ADGRG6: variants seen among roughly 807,000 people sequenced by gnomAD.
ADGRG6 encodes the protein G-protein coupled receptor 126.
A neutral mutation model predicts 142.4 loss-of-function variants in ADGRG6; 84 were observed. The ratio of observed to expected loss-of-function variants is 0.59; its 90% confidence interval spans 0.49 to 0.71. The LOEUF is 0.71. Among genes scored for constraint, ADGRG6 ranks in the 30% least tolerant of loss-of-function variants. The pLI is 0.00. For missense variants in ADGRG6, 1,367 were observed against 1,466.6 expected (o/e 0.93, Z 1.11); for synonymous variants, 521 against 520.5 (o/e 1.00, Z -0.01).
At chr6:142,335,154 G>T (rs1779251765) in intron 2 of ADGRG6, among the ~76,000 whole-genome samples, 1 of 152,184 alleles carries the variant, frequency 6.6e-6, no homozygotes, top group South Asian at 2.1e-4. Flanking sequence ...GGATAGTATT[G>T]AGAACCAAGA....
At chr6:142,330,513 C>T (rs1379990939) in intron 2 of ADGRG6, among the ~76,000 whole-genome samples, 2 of 152,170 alleles carry the variant, frequency 1.3e-5, no homozygotes, top group Non-Finnish European at 1.5e-5. Flanking sequence ...CTTCCCCTAA[C>T]CCTCAATGTA....
At chr6:142,427,177 A>G (rs1224423899) in intron 22 of ADGRG6, among the ~76,000 whole-genome samples, 1 of 152,174 alleles carries the variant, frequency 6.6e-6, no homozygotes, top group Non-Finnish European at 1.5e-5. Flanking sequence ...TCAGGCTGCA[A>G]ATTTTCCAAA....
chr6:142,303,373 A>G (rs188587579), intron 1 of ADGRG6, among the ~76,000 whole-genome samples: 1 of 152,014 alleles, frequency 6.6e-6, no homozygotes, highest in Non-Finnish European at 1.5e-5. Context: ...TCCATTCCCT[A>G]CTTCCCCACT....
intron 2 of ADGRG6, among the ~76,000 whole-genome samples, chr6:142,331,661 G>C (rs1779069626): frequency 6.6e-6 from 1 of 152,108 alleles, no homozygotes; most frequent in Non-Finnish European, 1.5e-5. Flanking sequence ...CAAAAATATT[G>C]ATTACTGTTG....
intron 1 of ADGRG6, among the ~76,000 whole-genome samples, chr6:142,304,183 T>TG (rs1334702865): frequency 6.6e-6 from 1 of 152,172 alleles, no homozygotes; most frequent in Non-Finnish European, 1.5e-5. Flanking sequence ...AATGTTAAAA[T>TG]GGGTAACATA....
intron 18 of ADGRG6, among the ~76,000 whole-genome samples, chr6:142,411,882 C>G (rs893712850): frequency 2.6e-4 from 40 of 152,216 alleles, no homozygotes; most frequent in African/African-American, 9.4e-4. Flanking sequence ...TGGTACTGCA[C>G]CGAGTGATCT....
chr6:142,432,436 A>G (rs1275259138), intron 22 of ADGRG6, among the ~76,000 whole-genome samples: 18 of 152,154 alleles, frequency 1.2e-4, no homozygotes, highest in Non-Finnish European at 2.2e-4. Flanking sequence ...ATATATTATA[A>G]ATACAATACC....
chr6:142,303,283 A>G lies in ADGRG6; in HGVS notation c.2+952A>G, dbSNP rs574939537. Among the ~76,000 whole-genome samples, 34 of 152,148 alleles carry G rather than the reference A, an allele frequency of 2.2e-4. 1 individual carries two copies. The highest frequency in any genetic ancestry group is 4.6e-4 in the Admixed American group (7 of 15,276). The stretch of plus-strand genomic sequence containing the variant: ...CTCCTTCCCCCAACTCCTGGATCTT[A>G]CATGAATTTACTCTTTCAGTTCAGT... On this transcript the variant is annotated intron_variant, in intron 1 of 24. Coordinates refer to ENST00000367609, the MANE Select transcript of ADGRG6 (RefSeq NM_198569.3).
chr6:142,336,882 T>C (rs1234654211), intron 2 of ADGRG6, among the ~76,000 whole-genome samples: 5 of 152,192 alleles, frequency 3.3e-5, no homozygotes, highest in Non-Finnish European at 5.9e-5. Flanking sequence ...GAACCTGATA[T>C]TCTTTTTCTC....
At chr6:142,348,325 C>T (rs1355360132) in intron 2 of ADGRG6, among the ~76,000 whole-genome samples, 1 of 152,046 alleles carries the variant, frequency 6.6e-6, no homozygotes, top group Non-Finnish European at 1.5e-5. Flanking sequence ...AAATTAGACT[C>T]AGCATCAAAT....
chr6:142,434,047 T>A (rs1777355032), intron 22 of ADGRG6, among the ~76,000 whole-genome samples: 1 of 152,136 alleles, frequency 6.6e-6, no homozygotes, highest in Non-Finnish European at 1.5e-5. Context: ...AGCAAGAATC[T>A]GTCTCTTAAA....
chr6:142,365,229 A>G (rs1780893532), intron 2 of ADGRG6, among the ~76,000 whole-genome samples: 1 of 152,170 alleles, frequency 6.6e-6, no homozygotes. Flanking sequence ...ATTGGAAGAA[A>G]CAGCCCAACA....
chr6:142,351,197 A>G (rs930970798), intron 2 of ADGRG6, among the ~76,000 whole-genome samples: 1 of 152,196 alleles, frequency 6.6e-6, no homozygotes, highest in Non-Finnish European at 1.5e-5. Context: ...GCGCCACTGC[A>G]CTCCAGCCTG....
chr6:142,400,203 G>C (rs1428612436), intron 10 of ADGRG6, among the ~76,000 whole-genome samples: 4 of 152,122 alleles, frequency 2.6e-5, no homozygotes, highest in Non-Finnish European at 5.9e-5. Flanking sequence ...TGATTAGAAT[G>C]ATAATGTATG....
At chr6:142,394,267 C>T (rs960552639) in intron 9 of ADGRG6, among the ~76,000 whole-genome samples, 2 of 151,916 alleles carry the variant, frequency 1.3e-5, no homozygotes, top group Admixed American at 6.6e-5. Context: ...GCAAAGGTAC[C>T]TTCAAAGAAA....
At chr6:142,367,433 C>T in intron 2 of ADGRG6, 136 bp from the exon 3 acceptor site, 16 of 612,780 alleles carry the variant, frequency 2.6e-5, no homozygotes, top group South Asian at 5.2e-5. Flanking sequence ...TTTCATTTTC[C>T]ATTTATTTTT....
intron 24 of ADGRG6, among the ~76,000 whole-genome samples, chr6:142,442,397 A>C (rs1777798268): frequency 6.6e-6 from 1 of 152,176 alleles, no homozygotes; most frequent in Non-Finnish European, 1.5e-5. Context: ...CATGAAGACA[A>C]CCATACGTCT....
At chr6:142,428,845 A>C (rs1430932890) in intron 22 of ADGRG6, among the ~76,000 whole-genome samples, 2 of 152,108 alleles carry the variant, frequency 1.3e-5, no homozygotes, top group African/African-American at 4.8e-5. Context: ...AAGCCAAACC[A>C]TATCACCTAC....
At chr6:142,336,120 C>T (rs769454430) in intron 2 of ADGRG6, among the ~76,000 whole-genome samples, 1 of 152,132 alleles carries the variant, frequency 6.6e-6, no homozygotes, top group African/African-American at 2.4e-5. Flanking sequence ...TCTCTGTGTG[C>T]AGGTCTATGT....
Sources: gnomAD v4.1 joint callset for allele counts (sites outside exome capture counted in the v4.1 genomes callset) on GRCh38, gnomAD v4.1.1 for gene constraint, MANE v1.5 for transcripts, NCBI Gene and HGNC (gene_info 2026-07-23, HGNC 2026-07-21) for gene names.